Variants in CDH4 observed in about 807,000 individuals in gnomAD.
CDH4 encodes cadherin 4, also known as cadherin-4.
A neutral mutation model predicts 86.0 loss-of-function variants in CDH4; 33 were observed. That is an observed-to-expected ratio of 0.38 (90% CI 0.29 to 0.51). CDH4 has a LOEUF of 0.51. Among genes scored for constraint, CDH4 ranks in the 20% least tolerant of loss-of-function variants. The pLI, the probability that CDH4 is intolerant of heterozygous loss-of-function variation, is 0.86. For synonymous variants in CDH4, 555 were observed against 549.4 expected, an observed-to-expected ratio of 1.01 and a Z score of -0.14; for missense variants, 1,114 against 1,307.4, an observed-to-expected ratio of 0.85 and a Z score of 2.28.
chr20:61,653,089 C>T (rs1415248469), intron 2 of CDH4, among the ~76,000 whole-genome samples: 2 of 126,826 alleles, frequency 1.6e-5, no homozygotes, highest in South Asian at 2.4e-4. Context: ...TGCGGCCTTC[C>T]GCAGTGTTTG....
chr20:61,873,882 G>T lies in CDH4; in HGVS notation c.1032G>T (p.Ala344=), dbSNP rs78133836. 1.9e-6 allele frequency: 3 copies of T among 1,613,740 alleles called. No homozygotes were observed. Among genetic ancestry groups the T allele is most frequent in the Non-Finnish European group, 2.5e-6 (3 of 1,180,010 alleles). Residue 344 remains alanine, a synonymous_variant, in exon 7 of 16, where the codon GCG becomes GCT. Transcript: ENST00000614565. ...NSETGDIVTV[A]AGLDREKVQQ... is the part of the protein sequence containing the mutation. ...AGACTGGAGATATCGTCACAGTGGC[G>T]GCTGGCCTGGACCGAGAGGTGAGGC...
At chr20:61,831,167 C>T (rs564284278) in intron 4 of CDH4, among the ~76,000 whole-genome samples, 7 of 152,204 alleles carry the variant, frequency 4.6e-5, no homozygotes, top group Admixed American at 3.9e-4. Flanking sequence ...GTAGACCAGG[C>T]GGCCAAAGCT....
chr20:61,419,685 C>G (rs1329195881), intron 2 of CDH4, among the ~76,000 whole-genome samples: 1 of 151,938 alleles, frequency 6.6e-6, no homozygotes, highest in Non-Finnish European at 1.5e-5. Flanking sequence ...CCACCCCGCT[C>G]CAGGCATGGC....
intron 2 of CDH4, among the ~76,000 whole-genome samples, chr20:61,400,958 G>T (rs1466141452): frequency 6.6e-6 from 1 of 152,184 alleles, no homozygotes; most frequent in Non-Finnish European, 1.5e-5. Flanking sequence ...GCTTTCTTCA[G>T]ATCTTCTTTC....
intron 1 of CDH4, 147 bp from the exon 2 acceptor site, chr20:61,254,679 C>G (rs1600808913): frequency 1.5e-6 from 1 of 651,378 alleles, no homozygotes; most frequent in Non-Finnish European, 2.8e-6. Context: ...GAGGAGCAGA[C>G]GGGGTATCGC....
chr20:61,760,607 C>T (rs1356490586), intron 3 of CDH4, among the ~76,000 whole-genome samples: 2 of 147,610 alleles, frequency 1.4e-5, no homozygotes, highest in African/African-American at 2.5e-5. Flanking sequence ...GGCACTGAGC[C>T]CAGACCTCGG....
At chr20:61,660,424 G>C (rs2087240278) in intron 2 of CDH4, among the ~76,000 whole-genome samples, 1 of 152,212 alleles carries the variant, frequency 6.6e-6, no homozygotes, top group Admixed American at 6.5e-5. Context: ...GCCTCGAAGT[G>C]TTCATCATCG....
intron 6 of CDH4, among the ~76,000 whole-genome samples, chr20:61,860,670 G>A (rs1357623568): frequency 2.0e-5 from 3 of 152,204 alleles, no homozygotes; most frequent in Admixed American, 2.0e-4. Context: ...GTTCTCAGGA[G>A]GGGAAGAGGC....
chr20:61,539,767 G>GGGAGC (rs2086025688), intron 2 of CDH4, among the ~76,000 whole-genome samples: 1 of 152,250 alleles, frequency 6.6e-6, no homozygotes, highest in Non-Finnish European at 1.5e-5. Context: ...CAGGACGAGA[G>GGGAGC]GGAGCAGAGC....
At chr20:61,291,922 C>CGTG (rs1046260093) in intron 2 of CDH4, among the ~76,000 whole-genome samples, 41 of 152,176 alleles carry the variant, frequency 2.7e-4, no homozygotes, top group African/African-American at 9.4e-4. Flanking sequence ...AGTAGCCCCC[C>CGTG]GTGTCTGGTG....
chr20:61,537,683 T>G (rs984736939), intron 2 of CDH4, among the ~76,000 whole-genome samples: 36 of 152,110 alleles, frequency 2.4e-4, no homozygotes, highest in South Asian at 2.1e-4. Flanking sequence ...GTGAGGGGTG[T>G]TTTTTAAGCC....
At chr20:61,536,741 G>C (rs1038532295) in intron 2 of CDH4, among the ~76,000 whole-genome samples, 1 of 152,192 alleles carries the variant, frequency 6.6e-6, no homozygotes. Context: ...AGACAGCTTC[G>C]GTTGCCCCGT....
At chr20:61,915,481 G>T (rs192536005) in intron 9 of CDH4, among the ~76,000 whole-genome samples, 2 of 152,306 alleles carry the variant, frequency 1.3e-5, no homozygotes, top group Admixed American at 1.3e-4. Context: ...CCAGCTGACG[G>T]TCCCCAGCCC....
Position 61,629,833 on chromosome 20 carries a change from C to T in CDH4, c.170-113730C>T, listed in dbSNP as rs569651121. Among the ~76,000 whole-genome samples, 57 of 152,302 alleles carry T rather than the reference C, an allele frequency of 3.7e-4. No homozygotes were observed. The Middle Eastern group carries it at 0.01, about 27-fold the overall frequency. ...TGCAGCCTGGAGCCTGAGTCCGATG[C>T]GGCGCCTTCCTTAGATGGTCTTCAG... On this transcript the variant is annotated intron_variant, in intron 2 of 15. Transcript: ENST00000614565.
intron 2 of CDH4, among the ~76,000 whole-genome samples, chr20:61,403,013 C>G (rs1261899848): frequency 3.9e-5 from 6 of 152,224 alleles, no homozygotes; most frequent in African/African-American, 1.4e-4. Context: ...GTGCTGACCA[C>G]TGTGATTAAG....
chr20:61,270,992 G>A (rs967322976), intron 2 of CDH4, among the ~76,000 whole-genome samples: 7 of 152,108 alleles, frequency 4.6e-5, no homozygotes, highest in Admixed American at 6.5e-5. Context: ...TGGACCCTAC[G>A]GGGCAATGTT....
chr20:61,767,413 C>G (rs35469546), intron 3 of CDH4, among the ~76,000 whole-genome samples: 1 of 152,156 alleles, frequency 6.6e-6, no homozygotes, highest in Non-Finnish European at 1.5e-5. Flanking sequence ...GTAGCAGGTC[C>G]GGGGTGGCAC....
chr20:61,717,994 C>T (rs1269690218), intron 2 of CDH4: 1 of 152,388 alleles, frequency 6.6e-6, no homozygotes, highest in East Asian at 1.9e-4. Flanking sequence ...CCTGATGTCC[C>T]CTACAACCTC....
At chr20:61,655,720 T>G (rs758406297) in intron 2 of CDH4, among the ~76,000 whole-genome samples, 2 of 152,234 alleles carry the variant, frequency 1.3e-5, no homozygotes, top group Non-Finnish European at 2.9e-5. Context: ...CATTCATTCG[T>G]GGGCCAGGCC....
Sources: gnomAD v4.1 joint callset for allele counts (sites outside exome capture counted in the v4.1 genomes callset) on GRCh38, gnomAD v4.1.1 for gene constraint, MANE v1.5 for transcripts, NCBI Gene and HGNC (gene_info 2026-07-23, HGNC 2026-07-21) for gene names.